ZBTB16: variants seen among roughly 807,000 people sequenced by gnomAD.
ZBTB16 encodes the protein zinc finger and BTB domain containing 16.
A neutral mutation model predicts 56.8 loss-of-function variants in ZBTB16; 8 were observed. That is an observed-to-expected ratio of 0.14 (90% confidence interval 0.08 to 0.25). ZBTB16 has a LOEUF of 0.25. Among genes scored for constraint, ZBTB16 ranks in the 10% least tolerant of loss-of-function variants. The pLI is 1.00. For missense variants in ZBTB16, 625 were observed against 903.0 expected (o/e 0.69, Z 3.95); for synonymous variants, 363 against 368.5 (o/e 0.98, Z 0.17).
At chr11:114,093,910 C>A (rs192591963) in intron 2 of ZBTB16, among the ~76,000 whole-genome samples, 4 of 152,182 alleles carry the variant, frequency 2.6e-5, no homozygotes, top group Non-Finnish European at 5.9e-5. Flanking sequence ...GAATTGTCAA[C>A]GGACATTTTT....
chr11:114,080,584 A>G (rs1303568107), intron 2 of ZBTB16, among the ~76,000 whole-genome samples: 4 of 152,212 alleles, frequency 2.6e-5, no homozygotes, highest in Non-Finnish European at 5.9e-5. Context: ...TGTTTTGTGC[A>G]GTATTTAAGG....
At chr11:114,139,411 A>G (rs1419029293) in intron 2 of ZBTB16, among the ~76,000 whole-genome samples, 1 of 152,156 alleles carries the variant, frequency 6.6e-6, no homozygotes, top group African/African-American at 2.4e-5. Context: ...GTTCCGTGTG[A>G]TCATTTCAGC....
chr11:114,113,020 C>T (rs1410497577), intron 2 of ZBTB16, among the ~76,000 whole-genome samples: 1 of 152,140 alleles, frequency 6.6e-6, no homozygotes, highest in African/African-American at 2.4e-5. Context: ...AGCCATTCTC[C>T]CGCTTAGGCC....
chr11:114,139,181 C>T (rs1166009655), intron 2 of ZBTB16, among the ~76,000 whole-genome samples: 1 of 152,220 alleles, frequency 6.6e-6, no homozygotes, highest in Non-Finnish European at 1.5e-5. Flanking sequence ...ATTGCTGGAG[C>T]ATGGAGACCA....
chr11:114,179,405 G>C (rs1251945974), intron 3 of ZBTB16, among the ~76,000 whole-genome samples: 1 of 152,112 alleles, frequency 6.6e-6, no homozygotes, highest in Non-Finnish European at 1.5e-5. Context: ...CTGATAAGAG[G>C]TACTGTAAAT....
At chr11:114,226,977 G>A (rs961802674) in intron 4 of ZBTB16, among the ~76,000 whole-genome samples, 2 of 152,024 alleles carry the variant, frequency 1.3e-5, no homozygotes, top group African/African-American at 4.8e-5. Flanking sequence ...GCAGCCTGAC[G>A]TTGCCTAAAA....
rs1437843257 is a variant in ZBTB16, at chr11:114,255,629, G to T, written c.*5074G>T. On this transcript the variant is annotated 3_prime_UTR_variant, in exon 7 of 7. Coordinates refer to ENST00000335953, the MANE Select transcript of ZBTB16 (RefSeq NM_006006.6). ...TTCCGAAGCAGTTTCACTCGAAGTTGTGCAGTCCTGGTTGCAGCTTTCCGC... is the reference window on the plus strand; with the variant it reads ...TTCCGAAGCAGTTTCACTCGAAGTTTTGCAGTCCTGGTTGCAGCTTTCCGC... 6.6e-6 allele frequency among the ~76,000 whole-genome samples: 1 copy of T among 150,622 alleles called. No homozygotes were observed. The highest frequency in any genetic ancestry group is 1.5e-5 in the Non-Finnish European group (1 of 67,918).
chr11:114,235,713 TTTCTTTTTC>T (rs1233153933), intron 4 of ZBTB16, among the ~76,000 whole-genome samples: 1 of 140,524 alleles, frequency 7.1e-6, no homozygotes, highest in African/African-American at 2.8e-5. Flanking sequence ...CTTTTCTTTC[TTTCTTTTTC>T]TTTCTTTCTT....
At chr11:114,146,656 G>A (rs776313651) in intron 2 of ZBTB16, among the ~76,000 whole-genome samples, 6 of 151,914 alleles carry the variant, frequency 3.9e-5, no homozygotes, top group Admixed American at 6.6e-5. Context: ...AGACAGCCTG[G>A]CCAATGCGGT....
At chr11:114,069,796 C>T (rs1169064746) in intron 2 of ZBTB16, among the ~76,000 whole-genome samples, 2 of 152,336 alleles carry the variant, frequency 1.3e-5, no homozygotes, top group East Asian at 3.9e-4. Flanking sequence ...GCATTTTCTT[C>T]TTTGCAAAGC....
chr11:114,203,950 G>T (rs963381717), intron 4 of ZBTB16, among the ~76,000 whole-genome samples: 1 of 152,100 alleles, frequency 6.6e-6, no homozygotes, highest in Non-Finnish European at 1.5e-5. Flanking sequence ...GAGGAGACGG[G>T]GTAGTTGCGT....
At chr11:114,162,305 C>T (rs1286989648) in intron 3 of ZBTB16, among the ~76,000 whole-genome samples, 1 of 152,224 alleles carries the variant, frequency 6.6e-6, no homozygotes, top group Admixed American at 6.5e-5. Context: ...TTTATTTATT[C>T]TTTTTTGGAG....
intron 4 of ZBTB16, among the ~76,000 whole-genome samples, chr11:114,207,247 G>T (rs936018488): frequency 6.6e-6 from 1 of 152,014 alleles, no homozygotes; most frequent in Non-Finnish European, 1.5e-5. Flanking sequence ...GGAACTTTAT[G>T]AAAAAAATGT....
At chr11:114,075,192 T>C (rs953630799) in intron 2 of ZBTB16, among the ~76,000 whole-genome samples, 5 of 152,190 alleles carry the variant, frequency 3.3e-5, no homozygotes, top group African/African-American at 9.7e-5. Context: ...CTGGAGAGCA[T>C]TGTGTCTGGA....
rs1938745706 is a variant in ZBTB16 at position 114,059,723 on chromosome 11, T to C, written c.-250T>C. 2 of 397,100 alleles carry C rather than the reference T, an allele frequency of 5.0e-6. No individual in the cohort carries two copies. Among genetic ancestry groups the C allele is most frequent in the African/African-American group, 2.1e-5 (1 of 48,084 alleles). 24.6% of individuals were successfully genotyped at this position (397,100 alleles called of 1,614,324 possible). A position where few individuals can be genotyped will look rare whatever the true frequency, so the allele number is the denominator to read the frequency against. On this transcript the variant is annotated 5_prime_UTR_variant, in exon 1 of 7. Transcript: ENST00000335953. The surrounding 1 kb of genome is among the most constrained non-coding windows in gnomAD (Gnocchi z 5.3). ...TTGCTAACCTCGCAGCAGAGAGGAG[T>C]TGAGGGCGATGAGAGCGGGTACTGC...
At chr11:114,114,172 G>C (rs565624691) in intron 2 of ZBTB16, among the ~76,000 whole-genome samples, 1 of 152,348 alleles carries the variant, frequency 6.6e-6, no homozygotes, top group East Asian at 1.9e-4. Context: ...ATGATTTCTG[G>C]AGAACATGTC....
intron 5 of ZBTB16, among the ~76,000 whole-genome samples, chr11:114,243,531 A>G (rs1323215513): frequency 6.6e-6 from 1 of 152,200 alleles, no homozygotes; most frequent in Non-Finnish European, 1.5e-5. Flanking sequence ...TCTTAGCATC[A>G]CCAGATTTGC....
chr11:114,087,550 C>T (rs1454065204), intron 2 of ZBTB16, among the ~76,000 whole-genome samples: 1 of 152,174 alleles, frequency 6.6e-6, no homozygotes, highest in Non-Finnish European at 1.5e-5. Context: ...TTCCCTTTGC[C>T]TTCCATATCC....
intron 2 of ZBTB16, among the ~76,000 whole-genome samples, chr11:114,068,441 G>A (rs969118169): frequency 2.0e-5 from 3 of 152,200 alleles, no homozygotes; most frequent in African/African-American, 7.2e-5. Flanking sequence ...CCTGTTTCCT[G>A]CAGCGGACAG....
Sources: allele counts gnomAD v4.1 joint callset (sites outside exome capture counted in the v4.1 genomes callset), GRCh38; gene constraint gnomAD v4.1.1; non-coding constraint Gnocchi (gnomAD v3.1); transcripts MANE v1.5; gene names NCBI Gene and HGNC (gene_info 2026-07-23, HGNC 2026-07-21).